The following DAB2 variants were observed in gnomAD, a reference collection of about 807,000 sequenced individuals.
DAB2 encodes disabled homolog 2.
In DAB2, 28 loss-of-function variants were observed where a neutral mutation model predicts 71.6. The ratio of observed to expected loss-of-function variants is 0.39; its 90% confidence interval spans 0.29 to 0.54. The LOEUF is 0.54. DAB2 is among the 20% of genes least tolerant of loss of function. The pLI is 0.68. For missense variants in DAB2, 867 were observed against 928.8 expected (o/e 0.93, Z 0.86); for synonymous variants, 345 against 339.7 (o/e 1.02, Z -0.17).
Position 39,382,810 on chromosome 5 carries a change from T to C in DAB2, c.1149A>G (p.Glu383=), listed in dbSNP as rs765083727. The stretch of plus-strand genomic sequence containing the variant: ...TGACAGAGAAGCCGTTCTGTTCTCT[T>C]TCAGATACCCCATTTTGAGTTCTCA... ...PAVRTQNGVS[E]REQNGFSVKS... is the part of the protein sequence containing the mutation. The change falls in exon 10 of 15, where the codon GAA becomes GAG. Residue 383 remains glutamate, a synonymous_variant. Transcript: ENST00000320816. 3.7e-5 allele frequency: 60 copies of C among 1,614,034 alleles called. No homozygotes were observed. Among genetic ancestry groups the C allele is most frequent in the Non-Finnish European group, 4.6e-5 (54 of 1,180,030 alleles).
chr5:39,376,014 C>T lies in DAB2; in HGVS notation c.2230G>A (p.Gly744Ser), dbSNP rs749030169. Residue 744 changes from glycine (G) to serine (S), a missense_variant, in exon 13 of 15, where the codon GGT becomes AGT. This residue lies in a region of DAB2 where 740 missense variants were observed against 734.3 expected (regional missense o/e 1.01). Transcript: ENST00000320816. ...FENPFFKDSF[G>S]SSQASVASSQ... is the part of the protein sequence containing the mutation. ...ATACTTACAGAGGCTTGTGATGAACCAAAAGAATCTTTAAAGAAAGGGTTC... is the reference window on the plus strand; with the variant it reads ...ATACTTACAGAGGCTTGTGATGAACTAAAAGAATCTTTAAAGAAAGGGTTC... 1.4e-5 allele frequency: 22 copies of T among 1,613,770 alleles called. No individual in the cohort carries two copies. Among genetic ancestry groups the T allele is most frequent in the Non-Finnish European group, 1.4e-5 (17 of 1,179,834 alleles).
intron 1 of DAB2, among the ~76,000 whole-genome samples, chr5:39,398,268 C>T (rs3912071): frequency 0.23 from 34,720 of 152,118 alleles, 4,102 homozygotes; most frequent in Non-Finnish European, 0.24. Flanking sequence ...TAACACAAGA[C>T]GTAGCTGAAG....
intron 8 of DAB2, 42 bp downstream of exon 8, chr5:39,388,757 C>T: frequency 6.6e-7 from 1 of 1,525,802 alleles, no homozygotes; most frequent in Non-Finnish European, 9.1e-7. Flanking sequence ...AACCCATGTT[C>T]AGATAAGTAA....
At chr5:39,399,068 G>A (rs879522409) in intron 1 of DAB2, among the ~76,000 whole-genome samples, 11 of 152,108 alleles carry the variant, frequency 7.2e-5, no homozygotes, top group Non-Finnish European at 1.5e-4. Flanking sequence ...TTCCAAACTG[G>A]GGCTCTGTTG....
Position 39,376,698 on chromosome 5 carries a change from C to A in DAB2, c.2089G>T (p.Ala697Ser), listed in dbSNP as rs775878952. Reference protein sequence around the residue: ...NSKVGIPQENADHDDFDANQL... With the variant: ...NSKVGIPQENSDHDDFDANQL... ...TTAGCATCAAAGTCATCATGGTCTG[C>A]ATTCTCCTGAGGAATGCCAACCTTG... The change falls in exon 12 of 15, where the codon GCA becomes TCA. Residue 697 changes from alanine to serine, a missense_variant. Transcript: ENST00000320816. The A allele has an allele frequency of 6.2e-7, 1 of 1,614,102 alleles. No individual in the cohort carries two copies. The highest frequency in any genetic ancestry group is 1.1e-5 in the South Asian group (1 of 91,080).
rs1373880165 is a variant in DAB2, at chr5:39,388,810, T to C, written c.613A>G (p.Lys205Glu). Residue 205 changes from lysine (K) to glutamate (E), a missense_variant, in exon 8 of 15, where the codon AAA becomes GAA. Coordinates refer to ENST00000320816, the MANE Select transcript of DAB2 (RefSeq NM_001343.4). ...ATATTAATACATACCGATTTCAGTTTGTTAGTTTGGTCATCTAGAATCATT... is the reference window on the plus strand; with the variant it reads ...ATATTAATACATACCGATTTCAGTTCGTTAGTTTGGTCATCTAGAATCATT... Reference protein sequence around the residue: ...ALMILDDQTNKLKSGVDQMDL... With the variant: ...ALMILDDQTNELKSGVDQMDL... 6.2e-7 allele frequency: 1 copy of C among 1,613,200 alleles called. No individual in the cohort carries two copies. The highest frequency in any genetic ancestry group is 2.2e-5 in the East Asian group (1 of 44,856).
chr5:39,397,942 ATC>A (rs2112072651), intron 1 of DAB2, among the ~76,000 whole-genome samples: 1 of 152,258 alleles, frequency 6.6e-6, no homozygotes, highest in South Asian at 2.1e-4. Flanking sequence ...ATACCTTCAG[ATC>A]TGTCTTGCTT....
chr5:39,374,979 C>T, intron 14 of DAB2, 35 bp downstream of exon 14: 1 of 1,369,140 alleles, frequency 7.3e-7, no homozygotes, highest in Non-Finnish European at 1.0e-6. Context: ...CTCACAAAAA[C>T]CCCTGAGACA....
chr5:39,398,059 G>A (rs995167554), intron 1 of DAB2, among the ~76,000 whole-genome samples: 18 of 152,162 alleles, frequency 1.2e-4, no homozygotes, highest in African/African-American at 3.1e-4. Context: ...CTGGGCTTAA[G>A]AGTCTGTTGC....
intron 1 of DAB2, among the ~76,000 whole-genome samples, chr5:39,403,609 T>C (rs938747401): frequency 2.6e-5 from 4 of 152,200 alleles, no homozygotes; most frequent in African/African-American, 9.7e-5. Context: ...TAATATTGAT[T>C]TGGCTGCTTT....
intron 1 of DAB2, among the ~76,000 whole-genome samples, chr5:39,402,145 C>T (rs1180584179): frequency 6.6e-6 from 1 of 152,070 alleles, no homozygotes; most frequent in Non-Finnish European, 1.5e-5. Flanking sequence ...GGGAAACTGC[C>T]CCCATGATTC....
chr5:39,422,031 G>A lies in DAB2; in HGVS notation c.-102+2773C>T, dbSNP rs1756001390. On this transcript the variant is annotated intron_variant, in intron 1 of 14. Transcript: ENST00000320816. This position sits in a 1 kb window ranked among gnomAD's most constrained non-coding sequence, Gnocchi z 4.1. ...GCTGCAGTGGGTCAAGTTCATGCCA[G>A]TGTACTCCAGCATGGGCAACAGAGG... 6.6e-6 allele frequency among the ~76,000 whole-genome samples: 1 copy of A among 152,124 alleles called. No homozygotes were observed. Among genetic ancestry groups the A allele is most frequent in the African/African-American group, 2.4e-5 (1 of 41,436 alleles).
Position 39,376,879 on chromosome 5 carries a change from G to A in DAB2, c.1908C>T (p.Ala636=), listed in dbSNP as rs1156556723. ...CCCCAAGTGGGTCTAAGGCAGTGAA[G>A]GCATCACTGGAGATGTCCTTGGGAG... ...AGPPKDISSD[A]FTALDPLGDK... is the part of the protein sequence containing the mutation. The change falls in exon 12 of 15, where the codon GCC becomes GCT. Residue 636 remains alanine, a synonymous_variant. Transcript: ENST00000320816. The A allele has an allele frequency of 1.9e-6, 3 of 1,614,040 alleles. No individual in the cohort carries two copies. Among genetic ancestry groups the A allele is most frequent in the South Asian group, 1.1e-5 (1 of 91,086 alleles).
At position 39,373,414 on chromosome 5, in the gene DAB2, C is replaced by A. The variant is rs1202888017; in HGVS notation, c.*17G>T. ...CCTTTTTATTCCTCTGGATGGTCTG[C>A]AGACCAAGTTCCTAGAGAGGTATGG... On this transcript the variant is annotated 3_prime_UTR_variant, in exon 15 of 15. Transcript: ENST00000320816. 6.6e-6 allele frequency: 1 copy of A among 152,500 alleles called. No individual in the cohort carries two copies. The highest frequency in any genetic ancestry group is 1.5e-5 in the Non-Finnish European group (1 of 68,030). 9.4% of individuals were successfully genotyped at this position (152,500 alleles called of 1,614,324 possible). A position where few individuals can be genotyped will look rare whatever the true frequency, so the allele number is the denominator to read the frequency against.
At chr5:39,383,542 C>T (rs909039781) in intron 9 of DAB2, among the ~76,000 whole-genome samples, 2 of 152,180 alleles carry the variant, frequency 1.3e-5, no homozygotes, top group African/African-American at 2.4e-5. Context: ...CTTCATGTCT[C>T]TGCTCACCCT....
chr5:39,393,141 G>A, intron 3 of DAB2, 113 bp downstream of exon 3: 1 of 1,096,972 alleles, frequency 9.1e-7, no homozygotes, highest in Non-Finnish European at 1.3e-6. Context: ...TGGATAATGT[G>A]ATTAAAAGCA....
At chr5:39,413,318 C>T (rs1480264460) in intron 1 of DAB2, among the ~76,000 whole-genome samples, 1 of 152,138 alleles carries the variant, frequency 6.6e-6, no homozygotes, top group Non-Finnish European at 1.5e-5. Context: ...TCTTGCCAAG[C>T]TCTGATGCTT....
intron 11 of DAB2, among the ~76,000 whole-genome samples, chr5:39,379,343 C>T (rs968116864): frequency 6.9e-6 from 1 of 144,652 alleles, no homozygotes; most frequent in Non-Finnish European, 1.5e-5. Context: ...ATCCCAGCTA[C>T]TAGAGAGGCT....
intron 1 of DAB2, chr5:39,423,603 TCAAAGCCATTC>T (rs1419266298): frequency 1.3e-5 from 2 of 152,180 alleles, no homozygotes; most frequent in African/African-American, 4.8e-5. Flanking sequence ...ATACATCTCA[TCAAAGCCATTC>T]CAAGAGGCTT....
Sources: gnomAD v4.1 joint callset for allele counts (sites outside exome capture counted in the v4.1 genomes callset) on GRCh38, gnomAD v4.1.1 for gene constraint, gnomAD v4.1.1 regional missense constraint, Gnocchi (gnomAD v3.1) non-coding constraint, MANE v1.5 for transcripts, NCBI Gene and HGNC (gene_info 2026-07-23, HGNC 2026-07-21) for gene names.